Variants in LIPM observed in about 807,000 individuals in gnomAD.
LIPM encodes lipase family member M.
A neutral mutation model predicts 42.4 loss-of-function variants in LIPM; 42 were observed. The observed-to-expected ratio is 0.99, with a 90% CI of 0.77 to 1.28. The LOEUF is 1.28. Ranked by LOEUF, LIPM falls within the 50% of genes most tolerant of loss-of-function variation. The pLI is 0.00. For missense variants in LIPM, 524 were observed against 520.1 expected, an observed-to-expected ratio of 1.01 and a Z score of -0.07; for synonymous variants, 177 against 173.3, an observed-to-expected ratio of 1.02 and a Z score of -0.17.
chr10:88,816,921 G>T (rs1458909092), intron 7 of LIPM, 34 bp downstream of exon 7: 15 of 1,467,866 alleles, frequency 1.0e-5, no homozygotes, highest in African/African-American at 2.8e-5. Flanking sequence ...TTTGCTAAAT[G>T]TCCTGTTATA....
chr10:88,816,338 A>G (rs766022016), intron 6 of LIPM, among the ~76,000 whole-genome samples: 2 of 152,164 alleles, frequency 1.3e-5, no homozygotes, highest in East Asian at 1.9e-4. Flanking sequence ...CTTCTTTAAG[A>G]TTAATAATTT....
intron 6 of LIPM, among the ~76,000 whole-genome samples, chr10:88,816,343 T>C (rs1843718132): frequency 1.3e-5 from 2 of 152,224 alleles, no homozygotes; most frequent in Non-Finnish European, 2.9e-5. Context: ...TTAAGATTAA[T>C]AATTTGATTT....
At chr10:88,814,482 T>A (rs570098337) in intron 3 of LIPM, 48 bp from the exon 4 acceptor site, 1 of 1,354,390 alleles carries the variant, frequency 7.4e-7, no homozygotes, top group Admixed American at 2.0e-5. Flanking sequence ...AGCTTTTGTT[T>A]GTTTCTGATT....
At chr10:88,813,673 T>A (rs375499650) in intron 3 of LIPM, among the ~76,000 whole-genome samples, 4 of 152,114 alleles carry the variant, frequency 2.6e-5, no homozygotes, top group South Asian at 4.2e-4. Flanking sequence ...GCCTAGTGTG[T>A]TAGTCCGTTT....
intron 2 of LIPM, 90 bp from the exon 3 acceptor site, chr10:88,813,007 G>T (rs1589315251): frequency 3.6e-6 from 4 of 1,114,558 alleles, no homozygotes; most frequent in Non-Finnish European, 4.0e-6. Context: ...TCTGAACACA[G>T]GTTTGTTTGA....
At position 88,820,273 on chromosome 10, in the gene LIPM, T is replaced by C; in HGVS notation, c.1044T>C (p.Pro348=). The C allele has an allele frequency of 1.3e-6, 2 of 1,551,940 alleles. No individual in the cohort carries two copies. Among genetic ancestry groups the C allele is most frequent in the Non-Finnish European group, 1.7e-6 (2 of 1,147,052 alleles). Residue 348 remains proline, a synonymous_variant, in exon 9 of 9, where the codon CCT becomes CCC. Transcript: ENST00000404743. The stretch of plus-strand genomic sequence containing the variant: ...ACAGAGTCAGAGATATGACGGTCCC[T>C]ACAGCAATGTGGACAGGAGGTCAGG... ...VRYRVRDMTV[P]TAMWTGGQDW...
At chr10:88,803,253 G>T (rs1016379577) in intron 1 of LIPM, among the ~76,000 whole-genome samples, 1 of 152,136 alleles carries the variant, frequency 6.6e-6, no homozygotes, top group African/African-American at 2.4e-5. Context: ...TTGGGCAAAT[G>T]ACTTAATCTC....
intron 2 of LIPM, among the ~76,000 whole-genome samples, chr10:88,809,957 C>T (rs1843634282): frequency 1.3e-5 from 2 of 152,170 alleles, no homozygotes; most frequent in Non-Finnish European, 2.9e-5. Flanking sequence ...CCTGGCCACC[C>T]TATTCAAAGT....
At chr10:88,805,604 TAAG>T (rs1183416045) in intron 1 of LIPM, among the ~76,000 whole-genome samples, 1 of 152,246 alleles carries the variant, frequency 6.6e-6, no homozygotes, top group Non-Finnish European at 1.5e-5. Flanking sequence ...TTTGTTTTCT[TAAG>T]AAGAAATGTC....
In LIPM at chr10:88,803,029, GC is replaced by G; in HGVS notation, c.134del (p.Ala45AspfsTer3). 6.4e-7 allele frequency: 1 copy of G among 1,550,812 alleles called. No homozygotes were observed. Among genetic ancestry groups the G allele is most frequent in the South Asian group, 1.2e-5 (1 of 83,796 alleles). On this transcript the variant is annotated frameshift_variant, in exon 1 of 9. Coordinates refer to ENST00000404743, the MANE Select transcript of LIPM (RefSeq NM_001128215.1). LOFTEE classifies it high-confidence loss of function. ...GCCAACTAAAGCTGTGGACCCAGAA[GC>G]ATTCATGAATATTGTAAGTTGGGAT... ...HMPTKAVDPE[A>X]FMNISEIIQH...
chr10:88,808,112 T>C (rs1021123631), intron 1 of LIPM, among the ~76,000 whole-genome samples, 186 bp from the exon 2 acceptor site: 1 of 152,170 alleles, frequency 6.6e-6, no homozygotes, highest in African/African-American at 2.4e-5. Context: ...CCGGTTTCCA[T>C]ATTAAGACAA....
In LIPM at chr10:88,820,236, C is replaced by G. The variant is rs200206641; in HGVS notation, c.1007C>G (p.Thr336Ser). The change falls in exon 9 of 9, where the codon ACT becomes AGT. Residue 336 changes from threonine (T) to serine (S), a missense_variant. Transcript: ENST00000404743. ...TKNLEKCNQP[T>S]PVRYRVRDMT... ...AGAACTATTCCTTTTCTCTAGCCAA[C>G]TCCTGTAAGGTACAGAGTCAGAGAT... 2 of 1,549,784 alleles carry G rather than the reference C, an allele frequency of 1.3e-6. No individual in the cohort carries two copies. The highest frequency in any genetic ancestry group is 1.7e-4 in the Middle Eastern group (1 of 5,974).
chr10:88,803,994 T>C (rs1474821474), intron 1 of LIPM, among the ~76,000 whole-genome samples: 2 of 152,142 alleles, frequency 1.3e-5, no homozygotes, highest in East Asian at 3.8e-4. Context: ...GTTCCAGAGA[T>C]TTATCTAACA....
At chr10:88,804,838 T>C (rs2053018120) in intron 1 of LIPM, among the ~76,000 whole-genome samples, 1 of 152,204 alleles carries the variant, frequency 6.6e-6, no homozygotes, top group Non-Finnish European at 1.5e-5. Context: ...GCCCATACAC[T>C]GCTGACTCTG....
Position 88,813,391 on chromosome 10 carries a change from G to C in LIPM, c.464+96G>C, listed in dbSNP as rs879046050. On this transcript the variant is annotated intron_variant, in intron 3 of 8. Transcript: ENST00000404743. ...TTCTAGTATTTGGTTGATTTATTTT[G>C]GTTGAGTCATCATTATCTTAACATG... The C allele has an allele frequency of 5.0e-6, 5 of 1,006,170 alleles. No individual in the cohort carries two copies. In the African/African-American group the frequency reaches 6.6e-5, roughly 13 times the overall value. The allele number at this position is 1,006,170 out of a possible 1,614,324, so 62.3% of individuals were successfully genotyped here.
rs938212292 is a variant in LIPM, at chr10:88,820,142, T to C, written c.1003-90T>C. On this transcript the variant is annotated intron_variant, in intron 8 of 8. Coordinates refer to ENST00000404743, the MANE Select transcript of LIPM (RefSeq NM_001128215.1). ...CCCATGTACCCTTCACCACAACAGA[T>C]GGCATGTTTATTATGTCTATTTGAA... 5.6e-6 allele frequency: 6 copies of C among 1,071,746 alleles called. No homozygotes were observed. In the South Asian group the frequency reaches 8.1e-5, roughly 14 times the overall value. The allele number at this position is 1,071,746 out of a possible 1,614,324, so 66.4% of individuals were successfully genotyped here.
intron 8 of LIPM, among the ~76,000 whole-genome samples, chr10:88,819,543 T>C (rs1272437557): frequency 2.0e-5 from 3 of 152,218 alleles, no homozygotes; most frequent in Non-Finnish European, 4.4e-5. Flanking sequence ...TTCTGGATGC[T>C]GATTAATCTC....
At chr10:88,815,565 C>T (rs1431195392) in intron 6 of LIPM, 62 bp downstream of exon 6, 9 of 1,445,500 alleles carry the variant, frequency 6.2e-6, no homozygotes, top group South Asian at 1.3e-5. Context: ...ATATGGCTCA[C>T]CCCTGGAGGG....
Position 88,808,319 on chromosome 10 carries a change from G to A in LIPM, c.169G>A (p.Gly57Ser), listed in dbSNP as rs1329307282. The A allele has an allele frequency of 1.9e-6, 3 of 1,548,268 alleles. No homozygotes were observed. Among genetic ancestry groups the A allele is most frequent in the East Asian group, 2.4e-5 (1 of 40,914 alleles). The change falls in exon 2 of 9, where the codon GGC (glycine) becomes AGC (serine). Residue 57 changes from glycine to serine, a missense_variant. Physicochemically the swap from Gly to Ser is moderately conservative, Grantham distance 56. Coordinates refer to ENST00000404743, the MANE Select transcript of LIPM (RefSeq NM_001128215.1). ...ATAGAGTGAAATCATCCAACATCAAGGCTATCCCTGTGAGGAATATGAAGT... is the reference window on the plus strand; with the variant it reads ...ATAGAGTGAAATCATCCAACATCAAAGCTATCCCTGTGAGGAATATGAAGT... The part of the protein sequence containing the change: ...MNISEIIQHQ[G>S]YPCEEYEVAT...
Sources: allele counts gnomAD v4.1 joint callset (sites outside exome capture counted in the v4.1 genomes callset), GRCh38; gene constraint gnomAD v4.1.1; transcripts MANE v1.5; gene names NCBI Gene and HGNC (gene_info 2026-07-23, HGNC 2026-07-21).